RALGPS2: variants seen among roughly 807,000 people sequenced by gnomAD.
RALGPS2 encodes the protein Ral GEF with PH domain and SH3 binding motif 2.
In RALGPS2, 43 loss-of-function variants were observed where a neutral mutation model predicts 86.8. The ratio of observed to expected loss-of-function variants is 0.50; its 90% CI spans 0.39 to 0.64. The LOEUF (loss-of-function observed/expected upper bound fraction) is 0.64. Among genes scored for constraint, RALGPS2 ranks in the 30% least tolerant of loss-of-function variants. RALGPS2 has a pLI of 0.00. For missense variants in RALGPS2, 536 were observed against 694.6 expected (o/e 0.77, Z 2.57); for synonymous variants, 243 against 231.3 (o/e 1.05, Z -0.46).
chr1:178,788,846 T>C lies in RALGPS2; in HGVS notation c.213+3239T>C, dbSNP rs1229537446. Among the ~76,000 whole-genome samples the C allele has an allele frequency of 1.8e-4, 5 of 27,662 alleles. 1 individual carries two copies. In the East Asian group the frequency reaches 3.7e-3, roughly 20 times the overall value. The allele number at this position is 27,662 out of a possible 152,430, so 18.1% of individuals were successfully genotyped here. On this transcript the variant is annotated intron_variant, in intron 4 of 19. Transcript: ENST00000367635. Reference sequence around the variant, plus strand: ...TTCTTTTGTTTTCTTTCTTTCTTTCTTTTCTTTTCTTTTCTTTTCTTTTCT... The same window carrying C: ...TTCTTTTGTTTTCTTTCTTTCTTTCCTTTCTTTTCTTTTCTTTTCTTTTCT...
intron 1 of RALGPS2, among the ~76,000 whole-genome samples, chr1:178,743,218 A>G (rs1202491829): frequency 6.6e-6 from 1 of 152,230 alleles, no homozygotes; most frequent in East Asian, 1.9e-4. Flanking sequence ...AACAGAATAA[A>G]TAAAGAAAAA....
chr1:178,888,447 T>C (rs1365303520), intron 13 of RALGPS2, among the ~76,000 whole-genome samples: 1 of 152,168 alleles, frequency 6.6e-6, no homozygotes, highest in Non-Finnish European at 1.5e-5. Context: ...CATTTTCTAA[T>C]GTGGTATCTA....
At position 178,906,766 on chromosome 1, in the gene RALGPS2, A is replaced by G; in HGVS notation, c.1631-10A>G. 6.2e-7 allele frequency: 1 copy of G among 1,605,782 alleles called. No individual in the cohort carries two copies. Among genetic ancestry groups the G allele is most frequent in the Non-Finnish European group, 8.5e-7 (1 of 1,175,542 alleles). ...TTTTAATATTTCCCCCTTATTTTGG[A>G]TAATTTTAGGAAATTCGTACAAGTT... On this transcript the variant is annotated splice_polypyrimidine_tract_variant and intron_variant, in intron 18 of 19. Transcript: ENST00000367635.
chr1:178,859,539 G>T (rs1197387396), intron 8 of RALGPS2, among the ~76,000 whole-genome samples: 1 of 148,890 alleles, frequency 6.7e-6, no homozygotes, highest in Non-Finnish European at 1.5e-5. Flanking sequence ...AAGTAGCTGG[G>T]ATTACAGGCG....
chr1:178,909,790 C>T (rs1307224430), intron 19 of RALGPS2, among the ~76,000 whole-genome samples: 1 of 151,592 alleles, frequency 6.6e-6, no homozygotes, highest in Non-Finnish European at 1.5e-5. Context: ...GCTGGGAGTA[C>T]AGGCGTATGC....
intron 2 of RALGPS2, among the ~76,000 whole-genome samples, chr1:178,779,103 A>G (rs1180986264): frequency 6.6e-6 from 1 of 152,202 alleles, no homozygotes; most frequent in Non-Finnish European, 1.5e-5. Context: ...GGACCCATCT[A>G]GATCCCTTGA....
At chr1:178,852,824 A>G (rs370767726) in intron 8 of RALGPS2, 5 of 1,613,860 alleles carry the variant, frequency 3.1e-6, no homozygotes, top group Non-Finnish European at 4.2e-6. Context: ...AAGCTGCTGT[A>G]TTCTGCATAG....
chr1:178,914,312 C>T (rs1052060050), intron 19 of RALGPS2, among the ~76,000 whole-genome samples: 10 of 152,160 alleles, frequency 6.6e-5, no homozygotes, highest in African/African-American at 2.4e-4. Flanking sequence ...GCAGTTCCCC[C>T]TGGCAACTCA....
chr1:178,747,777 G>T, intron 1 of RALGPS2: 2 of 822,344 alleles, frequency 2.4e-6, no homozygotes. Flanking sequence ...GAGCTGGTGC[G>T]AGCAGAGCCT....
At chr1:178,816,958 T>C (rs1412166411) in intron 6 of RALGPS2, among the ~76,000 whole-genome samples, 3 of 151,948 alleles carry the variant, frequency 2.0e-5, no homozygotes, top group Non-Finnish European at 4.4e-5. Context: ...TCCACCCACC[T>C]CGGCATCCCA....
intron 10 of RALGPS2, chr1:178,879,830 A>G (rs1659162454): frequency 1.3e-5 from 2 of 151,442 alleles, no homozygotes; most frequent in Non-Finnish European, 2.9e-5. Context: ...AATCATTTTT[A>G]AAATAGCTGA....
chr1:178,897,211 G>A (rs983688057), intron 16 of RALGPS2, among the ~76,000 whole-genome samples: 3 of 151,960 alleles, frequency 2.0e-5, no homozygotes, highest in Admixed American at 6.6e-5. Flanking sequence ...GGCCATCAGA[G>A]AAATGCAAAT....
intron 7 of RALGPS2, among the ~76,000 whole-genome samples, chr1:178,827,463 C>G (rs970072760): frequency 6.9e-6 from 1 of 144,712 alleles, no homozygotes; most frequent in Non-Finnish European, 1.5e-5. Context: ...GGCGGGATCT[C>G]GGCTCACTGC....
rs193224403 is a variant in RALGPS2, at chr1:178,782,078, A to C, written c.58-2340A>C. ...TAACTCCTCTTAGCTTTATCAGAGA[A>C]TTGCTATAACAGAGCACATTTAACA... On this transcript the variant is annotated intron_variant, in intron 2 of 19. Coordinates refer to ENST00000367635, the MANE Select transcript of RALGPS2 (RefSeq NM_152663.5). Among the ~76,000 whole-genome samples, 43 of 152,304 alleles carry C rather than the reference A, an allele frequency of 2.8e-4. 1 individual carries two copies. Among genetic ancestry groups the C allele is most frequent in the Non-Finnish European group, 2.9e-4 (20 of 68,028 alleles).
At chr1:178,807,988 T>C in intron 4 of RALGPS2, 57 bp from the exon 5 acceptor site, 1 of 1,076,310 alleles carries the variant, frequency 9.3e-7, no homozygotes. Flanking sequence ...AAAGCCTTAA[T>C]CTGGCAGAAA....
intron 15 of RALGPS2, among the ~76,000 whole-genome samples, chr1:178,892,733 G>A (rs540605982): frequency 7.9e-5 from 12 of 152,160 alleles, no homozygotes; most frequent in Non-Finnish European, 1.2e-4. Flanking sequence ...GAATGTAGAC[G>A]AGTCTATTTC....
intron 7 of RALGPS2, among the ~76,000 whole-genome samples, chr1:178,821,972 G>A (rs78850714): frequency 0.037 from 5,668 of 152,092 alleles, 134 homozygotes; most frequent in African/African-American, 0.059. Context: ...CTTTGACAAC[G>A]TAATGTTTAA....
intron 8 of RALGPS2, among the ~76,000 whole-genome samples, chr1:178,857,753 AT>A (rs1657687875): frequency 6.6e-6 from 1 of 152,148 alleles, no homozygotes; most frequent in South Asian, 2.1e-4. Flanking sequence ...GACAGTTTAC[AT>A]TTAAGTATAT....
chr1:178,744,865 G>A (rs949191420), intron 1 of RALGPS2, among the ~76,000 whole-genome samples: 5 of 151,076 alleles, frequency 3.3e-5, no homozygotes, highest in African/African-American at 1.2e-4. Flanking sequence ...AGACTGGAAA[G>A]GAGGAAGTAA....
Sources: gnomAD v4.1 joint callset for allele counts (sites outside exome capture counted in the v4.1 genomes callset) on GRCh38, gnomAD v4.1.1 for gene constraint, MANE v1.5 for transcripts, NCBI Gene and HGNC (gene_info 2026-07-23, HGNC 2026-07-21) for gene names.